Variants in NPTN observed in about 807,000 individuals in gnomAD.
NPTN encodes SDR-1.
In NPTN, 5 loss-of-function variants were observed where a neutral mutation model predicts 42.7. That is an observed-to-expected ratio of 0.12 (90% CI 0.06 to 0.25). NPTN has a LOEUF of 0.25. Among genes scored for constraint, NPTN ranks in the 10% least tolerant of loss-of-function variants. The pLI, the probability that NPTN is intolerant of heterozygous loss-of-function variation, is 1.00. For synonymous variants in NPTN, 180 were observed against 201.9 expected, an observed-to-expected ratio of 0.89 and a Z score of 0.92; for missense variants, 307 against 525.4, an observed-to-expected ratio of 0.58 and a Z score of 4.06.
intron 4 of NPTN, among the ~76,000 whole-genome samples, chr15:73,580,449 TG>T (rs1566965686): frequency 5.1e-4 from 70 of 136,742 alleles, no homozygotes; most frequent in African/African-American, 1.9e-3. Flanking sequence ...ATAATATATA[TG>T]TATATATACA....
At chr15:73,619,890 G>A (rs1331965348) in intron 1 of NPTN, among the ~76,000 whole-genome samples, 1 of 152,196 alleles carries the variant, frequency 6.6e-6, no homozygotes, top group Non-Finnish European at 1.5e-5. Context: ...CTAAGCACAT[G>A]TATCTTGTGT....
intron 4 of NPTN, among the ~76,000 whole-genome samples, chr15:73,583,927 T>C (rs757217332): frequency 7.9e-5 from 12 of 152,208 alleles, no homozygotes; most frequent in Non-Finnish European, 1.8e-4. Context: ...TGGATTAATA[T>C]GTCACTTGTA....
At position 73,597,512 on chromosome 15, in the gene NPTN, T is replaced by G. The variant is rs1411621782; in HGVS notation, c.92-143A>C. Reference sequence around the variant, plus strand: ...AACAAAAAAGGATTCATTTTTAAACTATAAAGAGACAGTACAGCAATTCAT... The same window carrying G: ...AACAAAAAAGGATTCATTTTTAAACGATAAAGAGACAGTACAGCAATTCAT... On this transcript the variant is annotated intron_variant, in intron 1 of 8. Transcript: ENST00000345330. This position sits in a 1 kb window ranked among gnomAD's most constrained non-coding sequence, Gnocchi z 6.3. The G allele has an allele frequency of 3.0e-6, 2 of 671,380 alleles. No individual in the cohort carries two copies. The highest frequency in any genetic ancestry group is 5.0e-6 in the Non-Finnish European group (2 of 400,722). 41.6% of individuals were successfully genotyped at this position (671,380 alleles called of 1,614,324 possible).
chr15:73,624,660 C>A (rs755475709), intron 1 of NPTN, among the ~76,000 whole-genome samples: 3 of 152,100 alleles, frequency 2.0e-5, no homozygotes, highest in Non-Finnish European at 4.4e-5. Context: ...GCAGATGATT[C>A]TTTAGTGATG....
At chr15:73,614,765 G>A (rs976332138) in intron 1 of NPTN, among the ~76,000 whole-genome samples, 4 of 152,142 alleles carry the variant, frequency 2.6e-5, no homozygotes, top group Admixed American at 2.0e-4. Flanking sequence ...GTTAATAAAT[G>A]TATAATAAAT....
At chr15:73,619,157 T>C (rs1359570495) in intron 1 of NPTN, among the ~76,000 whole-genome samples, 2 of 151,996 alleles carry the variant, frequency 1.3e-5, no homozygotes, top group Admixed American at 1.3e-4. Context: ...CCAAATCATA[T>C]TGTAGAGGAA....
intron 4 of NPTN, among the ~76,000 whole-genome samples, chr15:73,577,203 T>C (rs911067733): frequency 1.3e-5 from 2 of 152,196 alleles, no homozygotes; most frequent in Non-Finnish European, 1.5e-5. Flanking sequence ...AGCCTTGGAA[T>C]CCTAGCCAGG....
intron 3 of NPTN, among the ~76,000 whole-genome samples, chr15:73,589,663 C>T (rs901505590): frequency 3.3e-5 from 5 of 152,026 alleles, no homozygotes; most frequent in South Asian, 2.1e-4. Flanking sequence ...CTCCTAAACT[C>T]GACCACTCTG....
chr15:73,612,236 T>C (rs1429768214), intron 1 of NPTN, among the ~76,000 whole-genome samples: 2 of 151,780 alleles, frequency 1.3e-5, no homozygotes, highest in African/African-American at 4.8e-5. Flanking sequence ...CTGGGTAACA[T>C]AGGGAGACCC....
At chr15:73,567,132 G>A (rs1324621282) in intron 6 of NPTN, 1 of 982,880 alleles carries the variant, frequency 1.0e-6, no homozygotes, top group Non-Finnish European at 1.2e-6. Flanking sequence ...TCAAATTTGT[G>A]CTTTTATACT....
At chr15:73,610,071 G>A (rs1278379245) in intron 1 of NPTN, among the ~76,000 whole-genome samples, 1 of 151,222 alleles carries the variant, frequency 6.6e-6, no homozygotes, top group Non-Finnish European at 1.5e-5. Flanking sequence ...TCACCTTCCT[G>A]TTCTACTTTT....
chr15:73,576,445 T>C (rs1324610294), intron 4 of NPTN, among the ~76,000 whole-genome samples: 6 of 152,146 alleles, frequency 3.9e-5, no homozygotes, highest in Non-Finnish European at 5.9e-5. Flanking sequence ...TCTTCTGCCT[T>C]GGCCTCCCAA....
chr15:73,588,076 C>T (rs1041888525), intron 3 of NPTN, among the ~76,000 whole-genome samples: 1 of 152,142 alleles, frequency 6.6e-6, no homozygotes, highest in Non-Finnish European at 1.5e-5. Flanking sequence ...CCCGTCTCTA[C>T]TAAAACTACA....
intron 5 of NPTN, among the ~76,000 whole-genome samples, chr15:73,571,199 C>T (rs914967335): frequency 2.0e-5 from 3 of 152,156 alleles, no homozygotes; most frequent in African/African-American, 7.2e-5. Context: ...GCAGGAGGAT[C>T]ACATGAGCCC....
intron 4 of NPTN, 29 bp downstream of exon 4, chr15:73,587,495 C>A: frequency 6.5e-7 from 1 of 1,536,390 alleles, no homozygotes; most frequent in Non-Finnish European, 9.0e-7. Context: ...GAGTGAGAGG[C>A]TCACACCACA....
intron 4 of NPTN, among the ~76,000 whole-genome samples, chr15:73,575,946 G>A (rs1895671531): frequency 6.6e-6 from 1 of 152,192 alleles, no homozygotes; most frequent in Non-Finnish European, 1.5e-5. Context: ...TCCAGGCAAA[G>A]TTTCTTACTA....
chr15:73,594,034 C>A (rs1595930819), intron 2 of NPTN, among the ~76,000 whole-genome samples: 1 of 152,048 alleles, frequency 6.6e-6, no homozygotes, highest in Non-Finnish European at 1.5e-5. Context: ...CAAGAAAAAT[C>A]AAAACCAAGC....
At chr15:73,586,834 T>C (rs1370674005) in intron 4 of NPTN, among the ~76,000 whole-genome samples, 1 of 152,238 alleles carries the variant, frequency 6.6e-6, no homozygotes, top group East Asian at 1.9e-4. Context: ...TGTTCTAGAC[T>C]AGCTCTGCCA....
At chr15:73,588,611 C>T (rs1896434763) in intron 3 of NPTN, among the ~76,000 whole-genome samples, 1 of 152,170 alleles carries the variant, frequency 6.6e-6, no homozygotes, top group Non-Finnish European at 1.5e-5. Flanking sequence ...CTTGTTCGCA[C>T]CTCAAAACCT....
Sources: allele counts gnomAD v4.1 joint callset (sites outside exome capture counted in the v4.1 genomes callset), GRCh38; gene constraint gnomAD v4.1.1; non-coding constraint Gnocchi (gnomAD v3.1); transcripts MANE v1.5; gene names NCBI Gene and HGNC (gene_info 2026-07-23, HGNC 2026-07-21).